Variants in TRPC3 observed in about 807,000 individuals in gnomAD.
TRPC3 encodes short transient receptor potential channel 3.
TRPC3 carries 54 observed loss-of-function variants against 90.9 expected under a neutral mutation model. That is an observed-to-expected ratio of 0.59 (90% CI 0.48 to 0.75). The LOEUF (loss-of-function observed/expected upper bound fraction) is 0.75, where lower values mean the gene tolerates loss of function less well. Ranked by LOEUF, TRPC3 falls within the 30% of genes least tolerant of loss-of-function variation. The pLI is 0.00. For synonymous variants in TRPC3, 424 were observed against 450.9 expected, an observed-to-expected ratio of 0.94 and a Z score of 0.75; for missense variants, 918 against 1,194.5, an observed-to-expected ratio of 0.77 and a Z score of 3.41.
intron 1 of TRPC3, among the ~76,000 whole-genome samples, chr4:121,947,371 C>T (rs891183334): frequency 1.3e-5 from 2 of 152,014 alleles, no homozygotes; most frequent in African/African-American, 4.8e-5. Flanking sequence ...AATCTGATTC[C>T]CTCCAGGGTT....
At chr4:121,889,102 A>G (rs1172106115) in intron 10 of TRPC3, among the ~76,000 whole-genome samples, 1 of 152,208 alleles carries the variant, frequency 6.6e-6, no homozygotes, top group African/African-American at 2.4e-5. Flanking sequence ...CCACATGCAG[A>G]AGGATAAAAC....
chr4:121,937,880 A>G (rs969616250), intron 1 of TRPC3, among the ~76,000 whole-genome samples: 1 of 152,042 alleles, frequency 6.6e-6, no homozygotes, highest in African/African-American at 2.4e-5. Context: ...AAAACCAAAT[A>G]TCCTATATTC....
At chr4:121,907,166 G>C in intron 7 of TRPC3, 137 bp downstream of exon 7, 1 of 800,698 alleles carries the variant, frequency 1.2e-6, no homozygotes, top group Non-Finnish European at 2.0e-6. Context: ...ATCAACACAA[G>C]CACTAACTGT....
At chr4:121,903,471 C>T (rs1246801173) in intron 8 of TRPC3, among the ~76,000 whole-genome samples, 1 of 152,194 alleles carries the variant, frequency 6.6e-6, no homozygotes, top group African/African-American at 2.4e-5. Context: ...GCTGTAGACA[C>T]AGCATATTAT....
chr4:121,947,183 CAAAAAAA>C lies in TRPC3; in HGVS notation c.215+4276_215+4282del, dbSNP rs11457162. On this transcript the variant is annotated intron_variant, in intron 1 of 11. Coordinates refer to ENST00000379645, the MANE Select transcript of TRPC3 (RefSeq NM_001130698.2). ...TAGGTGATAGAGTGAGACTCTGTCT[CAAAAAAA>C]AAAAAAAAAAAAGAATTAAAAAAAT... Among the ~76,000 whole-genome samples, 560 of 92,038 alleles carry C rather than the reference CAAAAAAA, an allele frequency of 6.1e-3. 5 individuals carry two copies. The highest frequency in any genetic ancestry group is 0.023 in the African/African-American group (542 of 23,208). The allele number at this position is 92,038 out of a possible 152,430, so 60.4% of individuals were successfully genotyped here.
chr4:121,951,475 C>T lies in TRPC3; in HGVS notation c.206G>A (p.Gly69Glu). 1 of 1,313,282 alleles carries T rather than the reference C, an allele frequency of 7.6e-7. No homozygotes were observed. The allele number at this position is 1,313,282 out of a possible 1,614,324, so 81.4% of individuals were successfully genotyped here. Residue 69 changes from glycine to glutamate, a missense_variant, in exon 1 of 12, where the codon GGG becomes GAG. Around this residue, in one of 4 missense-constraint regions of TRPC3, gnomAD observed 609 missense variants for 725.9 expected, o/e 0.84. Transcript: ENST00000379645. This position sits in a 1 kb window ranked among gnomAD's most constrained non-coding sequence, Gnocchi z 4.4. The stretch of plus-strand genomic sequence containing the variant: ...CGGGCCCGGTACTCACAGGTCCGGC[C>T]CGTGGGAGAAGGGCGGCGGGCAGTA... ...HGYCPPPFSH[G>E]PDLSMEGSPS...
chr4:121,880,108 C>T (rs573251245), intron 11 of TRPC3, among the ~76,000 whole-genome samples: 1 of 152,256 alleles, frequency 6.6e-6, no homozygotes, highest in South Asian at 2.1e-4. Flanking sequence ...TAACACTCAG[C>T]TTAAAGTATT....
rs1363832407 is a variant in TRPC3, at chr4:121,878,722, G to A, written c.*1014C>T. The stretch of plus-strand genomic sequence containing the variant: ...AAAGATGTCAATCATTGTAAGCAAC[G>A]ATGGCAATAAATGCCCCAAAAGGAA... On this transcript the variant is annotated 3_prime_UTR_variant, in exon 12 of 12. Coordinates refer to ENST00000379645, the MANE Select transcript of TRPC3 (RefSeq NM_001130698.2). 6.6e-6 allele frequency among the ~76,000 whole-genome samples: 1 copy of A among 152,262 alleles called. No individual in the cohort carries two copies. Among genetic ancestry groups the A allele is most frequent in the South Asian group, 2.1e-4 (1 of 4,820 alleles).
chr4:121,900,912 T>G (rs946989403), intron 9 of TRPC3, among the ~76,000 whole-genome samples: 3 of 152,186 alleles, frequency 2.0e-5, no homozygotes, highest in Non-Finnish European at 4.4e-5. Flanking sequence ...AGAAAAGCTA[T>G]TCTTTCCTGT....
In TRPC3 at chr4:121,932,621, G is replaced by A. The variant is rs1256694861; in HGVS notation, c.637C>T (p.Gln213Ter). 1 of 1,613,636 alleles carries A rather than the reference G, an allele frequency of 6.2e-7. No individual in the cohort carries two copies. Residue 213 changes from glutamine to a stop codon, truncating the protein, a stop_gained, in exon 2 of 12, where the codon CAG becomes TAG. Transcript: ENST00000379645. LOFTEE classifies it high-confidence loss of function. This position sits in a 1 kb window ranked among gnomAD's most constrained non-coding sequence, Gnocchi z 7.7. Reference sequence around the variant, plus strand: ...TAGAAGTCGTCGTCCTGCAGCTCCTGCTCACAGGGGCTCAGAGTGAGACGC... The same window carrying A: ...TAGAAGTCGTCGTCCTGCAGCTCCTACTCACAGGGGCTCAGAGTGAGACGC... ...SKRLTLSPCE[Q>*]ELQDDDFYAY...
At chr4:121,882,005 A>T (rs1291559078) in intron 11 of TRPC3, among the ~76,000 whole-genome samples, 3 of 152,154 alleles carry the variant, frequency 2.0e-5, no homozygotes, top group East Asian at 1.9e-4. Context: ...TTATCTGCTT[A>T]ACTGGAAAAA....
At chr4:121,899,280 T>C (rs1426858541) in intron 10 of TRPC3, among the ~76,000 whole-genome samples, 2 of 152,214 alleles carry the variant, frequency 1.3e-5, no homozygotes, top group African/African-American at 4.8e-5. Context: ...CTCTGTCTTC[T>C]ACTGCTTTCT....
chr4:121,907,215 T>C, intron 7 of TRPC3, 88 bp downstream of exon 7: 3 of 1,256,276 alleles, frequency 2.4e-6, no homozygotes, highest in Non-Finnish European at 3.3e-6. Flanking sequence ...AACATCTTTA[T>C]TACAATCAGA....
At chr4:121,900,993 G>A (rs1728680003) in intron 9 of TRPC3, among the ~76,000 whole-genome samples, 1 of 152,114 alleles carries the variant, frequency 6.6e-6, no homozygotes, top group African/African-American at 2.4e-5. Flanking sequence ...TGAACAGGCT[G>A]TATTTTCTTT....
chr4:121,878,020 T>G lies in TRPC3; in HGVS notation c.*1716A>C, dbSNP rs114154693. On this transcript the variant is annotated 3_prime_UTR_variant, in exon 12 of 12. Coordinates refer to ENST00000379645, the MANE Select transcript of TRPC3 (RefSeq NM_001130698.2). ...GGAATCCTGGACCATACTATAAAAC[T>G]ATCAGAAACATCTATTATAGAAACT... Among the ~76,000 whole-genome samples the G allele has an allele frequency of 3.5e-3, 539 of 152,358 alleles. 5 individuals are homozygous for G. The highest frequency in any genetic ancestry group is 5.2e-3 in the Admixed American group (79 of 15,310).
intron 1 of TRPC3, among the ~76,000 whole-genome samples, chr4:121,939,791 A>G (rs1730243208): frequency 6.6e-6 from 1 of 152,174 alleles, no homozygotes; most frequent in Admixed American, 6.5e-5. Flanking sequence ...CTAACAAAAG[A>G]AAGTCAGCCA....
In TRPC3 at chr4:121,932,509, T is replaced by C; in HGVS notation, c.749A>G (p.His250Arg). The C allele has an allele frequency of 7.4e-6, 12 of 1,614,224 alleles. No individual in the cohort carries two copies. Among genetic ancestry groups the C allele is most frequent in the Non-Finnish European group, 1.0e-5 (12 of 1,180,034 alleles). Reference sequence around the variant, plus strand: ...CCTGGCACCCTTCATCAGCAGCATGTGCACCACTTCGTATTTCTGGCAGTG... The same window carrying C: ...CCTGGCACCCTTCATCAGCAGCATGCGCACCACTTCGTATTTCTGGCAGTG... ...AAHCQKYEVV[H>R]MLLMKGARIE... is the part of the protein sequence containing the mutation. Residue 250 changes from histidine (H) to arginine (R), a missense_variant, in exon 2 of 12, where the codon CAC (histidine) becomes CGC (arginine). Around this residue, in one of 4 missense-constraint regions of TRPC3, gnomAD observed 609 missense variants for 725.9 expected, o/e 0.84. Coordinates refer to ENST00000379645, the MANE Select transcript of TRPC3 (RefSeq NM_001130698.2). The surrounding 1 kb of genome is among the most constrained non-coding windows in gnomAD (Gnocchi z 7.7).
At chr4:121,896,898 C>T (rs1200542957) in intron 10 of TRPC3, among the ~76,000 whole-genome samples, 4 of 151,970 alleles carry the variant, frequency 2.6e-5, no homozygotes, top group Non-Finnish European at 5.9e-5. Context: ...AAATATATTA[C>T]CAGGCTGTAG....
Position 121,910,267 on chromosome 4 carries a change from C to T in TRPC3, c.1679G>A (p.Arg560Lys), listed in dbSNP as rs766761103. Residue 560 changes from arginine (R) to lysine (K), a missense_variant, in exon 6 of 12, where the codon AGA (arginine) becomes AAA (lysine). Around this residue, in one of 4 missense-constraint regions of TRPC3, gnomAD observed 147 missense variants for 263.5 expected, o/e 0.56. Transcript: ENST00000379645. ...LSIFIAAFTA[R>K]FLAFLQATKA... ...CGTTGCCTGAAGGAAAGCTAGGAAT[C>T]TGGCTGTGAAAGCAGCAATGAAGAT... The T allele has an allele frequency of 2.5e-6, 4 of 1,613,710 alleles. No homozygotes were observed. In the African/African-American group the frequency reaches 5.3e-5, roughly 22 times the overall value.
Sources: gnomAD v4.1 joint callset for allele counts (sites outside exome capture counted in the v4.1 genomes callset) on GRCh38, gnomAD v4.1.1 for gene constraint, gnomAD v4.1.1 regional missense constraint, Gnocchi (gnomAD v3.1) non-coding constraint, MANE v1.5 for transcripts, NCBI Gene and HGNC (gene_info 2026-07-23, HGNC 2026-07-21) for gene names.